VEPH1: variants seen among roughly 807,000 people sequenced by gnomAD.
VEPH1 encodes the protein ventricular zone-expressed PH domain-containing protein homolog 1.
A neutral mutation model predicts 85.2 loss-of-function variants in VEPH1; 80 were observed. That is an observed-to-expected ratio of 0.94 (90% CI 0.78 to 1.13). The LOEUF (loss-of-function observed/expected upper bound fraction) is 1.13, where lower values mean the gene tolerates loss of function less well. Ranked by LOEUF, VEPH1 falls within the 50% of genes most tolerant of loss-of-function variation. The pLI, the probability that VEPH1 is intolerant of heterozygous loss-of-function variation, is 0.00. For missense variants in VEPH1, 955 were observed against 980.5 expected (o/e 0.97, Z 0.35); for synonymous variants, 297 against 348.0 (o/e 0.85, Z 1.63).
At position 157,453,128 on chromosome 3, in the gene VEPH1, T is replaced by C. The variant is rs146157239; in HGVS notation, c.529+7053A>G. Reference sequence around the variant, plus strand: ...TTCTTAATTGGTATTCATGATGATGTGAGCTGGAAGCTGTAGAGGCCTACA... The same window carrying C: ...TTCTTAATTGGTATTCATGATGATGCGAGCTGGAAGCTGTAGAGGCCTACA... On this transcript the variant is annotated intron_variant, in intron 4 of 13. Coordinates refer to ENST00000362010, the MANE Select transcript of VEPH1 (RefSeq NM_001167912.2). 8.7e-4 allele frequency among the ~76,000 whole-genome samples: 132 copies of C among 152,314 alleles called. 1 individual carries two copies. The Middle Eastern group carries it at 0.027, about 31-fold the overall frequency.
At chr3:157,469,924 C>A (rs955659432) in intron 3 of VEPH1, among the ~76,000 whole-genome samples, 1 of 152,152 alleles carries the variant, frequency 6.6e-6, no homozygotes, top group Non-Finnish European at 1.5e-5. Context: ...TGCTAGGTCC[C>A]GAGCGCACTG....
intron 2 of VEPH1, among the ~76,000 whole-genome samples, chr3:157,483,544 C>T (rs1433479770): frequency 6.6e-6 from 1 of 151,792 alleles, no homozygotes; most frequent in Non-Finnish European, 1.5e-5. Flanking sequence ...TTTTAAAAGA[C>T]CAAGTCACTT....
intron 3 of VEPH1, among the ~76,000 whole-genome samples, chr3:157,466,535 C>T (rs1032984078): frequency 1.3e-5 from 2 of 152,208 alleles, no homozygotes; most frequent in Non-Finnish European, 2.9e-5. Flanking sequence ...ACTGTGTAAA[C>T]ACCGTATATG....
chr3:157,467,603 C>T (rs766325026), intron 3 of VEPH1, among the ~76,000 whole-genome samples: 1 of 152,214 alleles, frequency 6.6e-6, no homozygotes, highest in Non-Finnish European at 1.5e-5. Context: ...ATTTCTGGGA[C>T]CTCCAGGGGT....
Position 157,469,289 on chromosome 3 carries a change from A to G in VEPH1, c.354+1025T>C, listed in dbSNP as rs74428648. 7.5e-3 allele frequency among the ~76,000 whole-genome samples: 1,145 copies of G among 152,328 alleles called. 22 individuals carry two copies. Among genetic ancestry groups the G allele is most frequent in the East Asian group, 0.068 (350 of 5,176 alleles). On this transcript the variant is annotated intron_variant, in intron 3 of 13. Transcript: ENST00000362010. ...AATTCCTAGACTGAGCAGACAAGGT[A>G]AAATATGATCCAGTTAATCATAAAC...
intron 4 of VEPH1, among the ~76,000 whole-genome samples, chr3:157,431,001 C>T (rs1406425501): frequency 6.6e-6 from 1 of 152,142 alleles, no homozygotes; most frequent in Non-Finnish European, 1.5e-5. Context: ...TATGCTTTGG[C>T]TCCGTGTCCC....
In VEPH1 at chr3:157,442,948, A is replaced by T. The variant is rs376196578; in HGVS notation, c.530-14460T>A. On this transcript the variant is annotated intron_variant, in intron 4 of 13. Transcript: ENST00000362010. ...GTTGGGTGGGGAGTCACAGAGATCC[A>T]GCCACATGGAGGAGCTCAGTATGTT... The T allele has an allele frequency of 7.5e-5, 121 of 1,612,976 alleles. No individual in the cohort carries two copies. Among genetic ancestry groups the T allele is most frequent in the Non-Finnish European group, 8.0e-5 (94 of 1,179,298 alleles).
intron 4 of VEPH1, among the ~76,000 whole-genome samples, chr3:157,433,861 A>G (rs1381618249): frequency 6.6e-6 from 1 of 152,220 alleles, no homozygotes; most frequent in Non-Finnish European, 1.5e-5. Context: ...AGTACTCTAT[A>G]TACTTCATTA....
At chr3:157,301,401 A>G (rs1378645184) in intron 11 of VEPH1, among the ~76,000 whole-genome samples, 1 of 152,042 alleles carries the variant, frequency 6.6e-6, no homozygotes, top group Non-Finnish European at 1.5e-5. Context: ...TGTTTCATCA[A>G]TCTCAACCTC....
At chr3:157,320,524 A>C (rs1261436013) in intron 9 of VEPH1, among the ~76,000 whole-genome samples, 1 of 152,160 alleles carries the variant, frequency 6.6e-6, no homozygotes, top group East Asian at 1.9e-4. Flanking sequence ...ATAATTGTAT[A>C]ATTGATGCCA....
intron 6 of VEPH1, among the ~76,000 whole-genome samples, chr3:157,412,206 T>G (rs1731585401): frequency 6.6e-6 from 1 of 152,180 alleles, no homozygotes; most frequent in Non-Finnish European, 1.5e-5. Flanking sequence ...ATTAAACCTC[T>G]TTTCTTTATA....
intron 12 of VEPH1, among the ~76,000 whole-genome samples, chr3:157,275,432 C>T (rs768696642): frequency 4.0e-5 from 6 of 151,850 alleles, no homozygotes; most frequent in Non-Finnish European, 8.8e-5. Flanking sequence ...AAAAATTAGC[C>T]GGGTGTGGTG....
chr3:157,310,296 G>A (rs1412579059), intron 11 of VEPH1, among the ~76,000 whole-genome samples: 2 of 152,170 alleles, frequency 1.3e-5, no homozygotes, highest in African/African-American at 2.4e-5. Flanking sequence ...GTGCTGGCTA[G>A]GGATTAGAAT....
intron 9 of VEPH1, among the ~76,000 whole-genome samples, chr3:157,328,297 G>T (rs1261212839): frequency 6.6e-6 from 1 of 152,024 alleles, no homozygotes; most frequent in Non-Finnish European, 1.5e-5. Flanking sequence ...TCATTATCAT[G>T]ATCACTGTTA....
intron 7 of VEPH1, among the ~76,000 whole-genome samples, chr3:157,371,563 C>T (rs1231993949): frequency 6.6e-6 from 1 of 152,194 alleles, no homozygotes; most frequent in Non-Finnish European, 1.5e-5. Context: ...GATCCCAGAT[C>T]TACTGAATCA....
chr3:157,346,453 T>C (rs564929836), intron 9 of VEPH1, among the ~76,000 whole-genome samples: 2 of 152,330 alleles, frequency 1.3e-5, no homozygotes, highest in Non-Finnish European at 2.9e-5. Flanking sequence ...AAAGACCAGT[T>C]TCTAAGTTGA....
At chr3:157,386,404 C>T (rs888021670) in intron 6 of VEPH1, among the ~76,000 whole-genome samples, 4 of 151,730 alleles carry the variant, frequency 2.6e-5, no homozygotes, top group African/African-American at 7.3e-5. Context: ...CAGAGAGAAA[C>T]TTAAGAAGAT....
At chr3:157,469,560 T>C (rs1736722145) in intron 3 of VEPH1, among the ~76,000 whole-genome samples, 1 of 152,190 alleles carries the variant, frequency 6.6e-6, no homozygotes, top group African/African-American at 2.4e-5. Flanking sequence ...TTACAGAACC[T>C]TTAGTATGCC....
rs561328134 is a variant in VEPH1 at position 157,271,650 on chromosome 3, C to T, written c.2129-5988G>A. Among the ~76,000 whole-genome samples, 5 of 152,178 alleles carry T rather than the reference C, an allele frequency of 3.3e-5. No homozygotes were observed. In the South Asian group the frequency reaches 1.0e-3, roughly 32 times the overall value. On this transcript the variant is annotated intron_variant, in intron 12 of 13. Transcript: ENST00000362010. The stretch of plus-strand genomic sequence containing the variant: ...ATCAATAACTCAACCTCTCTCTCCT[C>T]CCTCCCTCTGCTTACTGGTGTCCCC...
Sources: allele counts gnomAD v4.1 joint callset (sites outside exome capture counted in the v4.1 genomes callset), GRCh38; gene constraint gnomAD v4.1.1; transcripts MANE v1.5; gene names NCBI Gene and HGNC (gene_info 2026-07-23, HGNC 2026-07-21).